Variants in CSRNP3 observed in about 807,000 individuals in gnomAD.
The protein encoded by CSRNP3 is cysteine/serine-rich nuclear protein 3.
A neutral mutation model predicts 48.0 loss-of-function variants in CSRNP3; 12 were observed. The ratio of observed to expected loss-of-function variants is 0.25; its 90% CI spans 0.16 to 0.41. CSRNP3 has a LOEUF of 0.41. Ranked by LOEUF, CSRNP3 falls within the 10% of genes least tolerant of loss-of-function variation. The pLI is 1.00. For synonymous variants in CSRNP3, 263 were observed against 269.7 expected (o/e 0.98, Z 0.24); for missense variants, 580 against 724.4 (o/e 0.80, Z 2.29).
intron 4 of CSRNP3, among the ~76,000 whole-genome samples, chr2:165,645,543 C>G (rs548763638): frequency 1.4e-4 from 22 of 152,166 alleles, no homozygotes; most frequent in African/African-American, 4.8e-4. Context: ...AGTGCAAGCC[C>G]AATTTTAAAA....
intron 2 of CSRNP3, among the ~76,000 whole-genome samples, chr2:165,502,352 A>G (rs1684369276): frequency 6.6e-6 from 1 of 152,036 alleles, no homozygotes; most frequent in Non-Finnish European, 1.5e-5. Flanking sequence ...TATAGATGGT[A>G]ATATTCAAAA....
chr2:165,605,541 G>C (rs191829815), intron 4 of CSRNP3, among the ~76,000 whole-genome samples: 2 of 152,076 alleles, frequency 1.3e-5, no homozygotes, highest in Non-Finnish European at 2.9e-5. Context: ...AAATGAGACT[G>C]AAAAAATATT....
chr2:165,500,413 A>G (rs1449223655), intron 2 of CSRNP3, among the ~76,000 whole-genome samples: 1 of 119,456 alleles, frequency 8.4e-6, no homozygotes, highest in Non-Finnish European at 1.7e-5. Context: ...ATGTATACAT[A>G]TATATATACA....
chr2:165,551,119 G>A (rs1046303362), intron 3 of CSRNP3, among the ~76,000 whole-genome samples: 1 of 152,026 alleles, frequency 6.6e-6, no homozygotes, highest in Non-Finnish European at 1.5e-5. Flanking sequence ...AGCTTTAGAT[G>A]TAATTCCAAG....
At chr2:165,663,699 G>A (rs1474188500) in intron 5 of CSRNP3, among the ~76,000 whole-genome samples, 2 of 152,154 alleles carry the variant, frequency 1.3e-5, no homozygotes, top group Non-Finnish European at 2.9e-5. Context: ...ATTAAAATGT[G>A]GGGTATATTC....
intron 1 of CSRNP3, 49 bp downstream of exon 1, chr2:165,469,789 A>G (rs1683868010): frequency 6.6e-6 from 1 of 152,106 alleles, no homozygotes; most frequent in Non-Finnish European, 1.5e-5. Context: ...TTTTTTCTTT[A>G]AAAGAGAATG....
chr2:165,673,258 C>T (rs1687361939), intron 5 of CSRNP3, among the ~76,000 whole-genome samples: 2 of 148,452 alleles, frequency 1.3e-5, no homozygotes, highest in Admixed American at 1.4e-4. Flanking sequence ...GTGCCTCAGT[C>T]ACATGAGTAG....
intron 4 of CSRNP3, among the ~76,000 whole-genome samples, chr2:165,605,278 T>G (rs1558948085): frequency 6.6e-6 from 1 of 152,118 alleles, no homozygotes; most frequent in Non-Finnish European, 1.5e-5. Flanking sequence ...CTTTACTCAG[T>G]TCTTTGAACA....
At chr2:165,502,071 T>C (rs1016293099) in intron 2 of CSRNP3, among the ~76,000 whole-genome samples, 3 of 152,080 alleles carry the variant, frequency 2.0e-5, no homozygotes, top group Admixed American at 1.3e-4. Flanking sequence ...AGTTTTAGCT[T>C]TGAGGATGAT....
At chr2:165,659,601 T>C (rs556989315) in intron 5 of CSRNP3, among the ~76,000 whole-genome samples, 2 of 152,186 alleles carry the variant, frequency 1.3e-5, no homozygotes, top group Admixed American at 6.5e-5. Context: ...ATGGAGAGAA[T>C]TATGACACTG....
At chr2:165,495,158 G>A (rs576719689) in intron 2 of CSRNP3, among the ~76,000 whole-genome samples, 2 of 152,122 alleles carry the variant, frequency 1.3e-5, no homozygotes, top group South Asian at 4.1e-4. Context: ...TCGGAGGTAA[G>A]CAGACAGCAA....
At chr2:165,639,457 T>C (rs1686690468) in intron 4 of CSRNP3, among the ~76,000 whole-genome samples, 2 of 152,232 alleles carry the variant, frequency 1.3e-5, no homozygotes, top group South Asian at 4.1e-4. Context: ...CTTAGTGATC[T>C]GGCCACAAAG....
intron 3 of CSRNP3, 132 bp from the exon 4 acceptor site, chr2:165,594,911 A>C (rs1044279677): frequency 1.7e-6 from 1 of 590,440 alleles, no homozygotes; most frequent in Non-Finnish European, 2.8e-6. Context: ...AAAATCTGCT[A>C]AAGATCCTTT....
intron 4 of CSRNP3, among the ~76,000 whole-genome samples, chr2:165,596,345 C>A (rs965722968): frequency 1.3e-5 from 2 of 151,916 alleles, no homozygotes; most frequent in Admixed American, 1.3e-4. Flanking sequence ...TGACAGATAA[C>A]TGGTCTTGGT....
chr2:165,657,596 A>C (rs1011847255), intron 4 of CSRNP3, among the ~76,000 whole-genome samples, 165 bp from the exon 5 acceptor site: 10 of 152,222 alleles, frequency 6.6e-5, no homozygotes, highest in Non-Finnish European at 1.5e-4. Flanking sequence ...AATTTAAGAA[A>C]GAAAATTAGA....
intron 2 of CSRNP3, among the ~76,000 whole-genome samples, chr2:165,511,347 A>C (rs1684503434): frequency 6.6e-6 from 1 of 152,196 alleles, no homozygotes. Context: ...AACGATTTTA[A>C]GATGGGAGAT....
At chr2:165,599,107 G>A (rs1487431830) in intron 4 of CSRNP3, among the ~76,000 whole-genome samples, 1 of 151,772 alleles carries the variant, frequency 6.6e-6, no homozygotes, top group Admixed American at 6.6e-5. Context: ...GTATGGTGGT[G>A]CATGCCTGTG....
chr2:165,666,771 A>AAG (rs1281468456), intron 5 of CSRNP3, among the ~76,000 whole-genome samples: 1 of 137,028 alleles, frequency 7.3e-6, no homozygotes. Flanking sequence ...GGAAGAAAGA[A>AAG]AGAGAAAGGA....
rs551653374 is a variant in CSRNP3, at chr2:165,625,795, C to G, written c.148+30582C>G. On this transcript the variant is annotated intron_variant, in intron 4 of 6. Coordinates refer to ENST00000651982, the MANE Select transcript of CSRNP3 (RefSeq NM_001172173.2). The stretch of plus-strand genomic sequence containing the variant: ...TAAAAGTACAAAAATTAGCCTGGTG[C>G]AGAGGCGGGCACCTATAATCCCAGC... 6.6e-4 allele frequency among the ~76,000 whole-genome samples: 98 copies of G among 148,026 alleles called. 1 individual carries two copies. The highest frequency in any genetic ancestry group is 2.3e-3 in the African/African-American group (90 of 39,806).
Sources: allele counts gnomAD v4.1 joint callset (sites outside exome capture counted in the v4.1 genomes callset), GRCh38; gene constraint gnomAD v4.1.1; transcripts MANE v1.5; gene names NCBI Gene and HGNC (gene_info 2026-07-23, HGNC 2026-07-21).